The following CCSER1 variants were observed in gnomAD, a reference collection of about 807,000 sequenced individuals.
CCSER1 encodes coiled-coil serine rich protein 1, also known as serine-rich coiled-coil domain-containing protein 1.
In CCSER1, 41 loss-of-function variants were observed where a neutral mutation model predicts 82.0. The observed-to-expected ratio is 0.50, with a 90% CI of 0.39 to 0.65. The LOEUF (loss-of-function observed/expected upper bound fraction) is 0.65. Ranked by LOEUF, CCSER1 falls within the 30% of genes least tolerant of loss-of-function variation. CCSER1 has a pLI of 0.00. For synonymous variants in CCSER1, 414 were observed against 383.9 expected (o/e 1.08, Z -0.92); for missense variants, 1,119 against 1,064.2 (o/e 1.05, Z -0.72).
At chr4:90,187,525 C>T (rs1433168671) in intron 1 of CCSER1, among the ~76,000 whole-genome samples, 1 of 151,812 alleles carries the variant, frequency 6.6e-6, no homozygotes, top group Non-Finnish European at 1.5e-5. Context: ...CTCTAATTGG[C>T]TGCTGTGGAA....
At chr4:91,379,359 C>G (rs567950014) in intron 10 of CCSER1, among the ~76,000 whole-genome samples, 1 of 152,102 alleles carries the variant, frequency 6.6e-6, no homozygotes. Context: ...TGGTAGAATT[C>G]GGCTGTGAAT....
At chr4:90,465,320 C>CTT (rs1157811263) in intron 4 of CCSER1, among the ~76,000 whole-genome samples, 16 of 131,940 alleles carry the variant, frequency 1.2e-4, no homozygotes, top group African/African-American at 2.2e-4. Context: ...TTTCCGTGTT[C>CTT]TTTTTTTTTT....
At chr4:90,683,480 C>A (rs62314421) in intron 6 of CCSER1, among the ~76,000 whole-genome samples, 16,704 of 151,914 alleles carry the variant, frequency 0.11, 1,092 homozygotes, top group East Asian at 0.19. Flanking sequence ...TCTCCTTAAC[C>A]TGAGTCATTT....
intron 1 of CCSER1, among the ~76,000 whole-genome samples, chr4:90,146,945 A>G (rs577493209): frequency 3.3e-5 from 5 of 152,248 alleles, no homozygotes; most frequent in South Asian, 4.1e-4. Context: ...ATTCATTTTT[A>G]TGATCTCAAG....
chr4:91,085,995 G>C lies in CCSER1; in HGVS notation c.2217+1G>C. The C allele has an allele frequency of 6.6e-7, 1 of 1,508,582 alleles. No homozygotes were observed. The highest frequency in any genetic ancestry group is 9.0e-7 in the Non-Finnish European group (1 of 1,108,442). The allele number at this position is 1,508,582 out of a possible 1,614,324, so 93.4% of individuals were successfully genotyped here. A position where few individuals can be genotyped will look rare whatever the true frequency, so the allele number is the denominator to read the frequency against. ...AGAGACAGTACAAGGAGGGAGAGAG[G>C]TAAGAATGTTTAAAGAAGAGGGGTG... is the stretch of plus-strand genomic sequence containing the variant. On this transcript the variant is annotated splice_donor_variant, in intron 10 of 10. Coordinates refer to ENST00000509176, the MANE Select transcript of CCSER1 (RefSeq NM_001145065.2). LOFTEE classifies it high-confidence loss of function.
intron 10 of CCSER1, among the ~76,000 whole-genome samples, chr4:91,244,869 ACT>A (rs1326520381): frequency 6.6e-6 from 1 of 152,184 alleles, no homozygotes; most frequent in Admixed American, 6.5e-5. Context: ...TTTTGAGGAA[ACT>A]CAAGGAAATT....
intron 9 of CCSER1, among the ~76,000 whole-genome samples, chr4:91,000,706 T>G (rs925433937): frequency 6.6e-6 from 1 of 152,152 alleles, no homozygotes; most frequent in African/African-American, 2.4e-5. Flanking sequence ...TGGGATTGTG[T>G]TCTTGATTTG....
intron 6 of CCSER1, among the ~76,000 whole-genome samples, chr4:90,651,001 A>C (rs1158407548): frequency 1.3e-5 from 2 of 152,304 alleles, no homozygotes; most frequent in East Asian, 1.9e-4. Flanking sequence ...CCTTTGGGGA[A>C]GTTATTTAAT....
chr4:90,784,452 G>A lies in CCSER1; in HGVS notation c.2011-31310G>A, dbSNP rs978369356. ...ATGTGTTCCAAAAGTGAGGTTACAA[G>A]GATGAAAATGATGTGTTCTAATTCA... On this transcript the variant is annotated intron_variant, in intron 7 of 10. Coordinates refer to ENST00000509176, the MANE Select transcript of CCSER1 (RefSeq NM_001145065.2). Among the ~76,000 whole-genome samples, 19 of 152,196 alleles carry A rather than the reference G, an allele frequency of 1.2e-4. 1 individual carries two copies. The highest frequency in any genetic ancestry group is 4.6e-4 in the African/African-American group (19 of 41,434).
intron 10 of CCSER1, among the ~76,000 whole-genome samples, chr4:91,112,991 A>G (rs188099105): frequency 6.6e-6 from 1 of 152,334 alleles, no homozygotes; most frequent in East Asian, 1.9e-4. Flanking sequence ...TTTCTTTAAG[A>G]CCCAGTACAA....
At chr4:90,738,219 G>A (rs573545208) in intron 7 of CCSER1, among the ~76,000 whole-genome samples, 4 of 152,212 alleles carry the variant, frequency 2.6e-5, no homozygotes, top group Middle Eastern at 3.4e-3. Context: ...AGTCTTTGCA[G>A]TCTGGGCTTG....
At chr4:90,302,679 T>G (rs896206087) in intron 1 of CCSER1, among the ~76,000 whole-genome samples, 1 of 152,128 alleles carries the variant, frequency 6.6e-6, no homozygotes, top group African/African-American at 2.4e-5. Flanking sequence ...GCTGTATGCC[T>G]GTAGTCCCAG....
chr4:91,143,675 T>A (rs1217312216), intron 10 of CCSER1, among the ~76,000 whole-genome samples: 3 of 152,102 alleles, frequency 2.0e-5, no homozygotes, highest in African/African-American at 4.8e-5. Flanking sequence ...AGTATTTTTT[T>A]AATCATGAAG....
intron 10 of CCSER1, among the ~76,000 whole-genome samples, chr4:91,264,908 A>T (rs1468370590): frequency 1.3e-5 from 2 of 152,086 alleles, no homozygotes; most frequent in Non-Finnish European, 2.9e-5. Flanking sequence ...TAAAATATTT[A>T]TCTGATTATA....
intron 10 of CCSER1, among the ~76,000 whole-genome samples, chr4:91,496,889 A>G (rs1013335862): frequency 2.8e-5 from 4 of 141,342 alleles, no homozygotes; most frequent in African/African-American, 5.2e-5. Flanking sequence ...ATTCAAATAC[A>G]TATTCCAAAC....
intron 1 of CCSER1, among the ~76,000 whole-genome samples, chr4:90,214,211 T>G (rs2153416363): frequency 6.6e-6 from 1 of 152,146 alleles, no homozygotes; most frequent in South Asian, 2.1e-4. Flanking sequence ...TTAGCAGTGG[T>G]AAGAAAGGGA....
chr4:91,009,254 G>A (rs1210307005), intron 9 of CCSER1, among the ~76,000 whole-genome samples: 1 of 152,154 alleles, frequency 6.6e-6, no homozygotes, highest in African/African-American at 2.4e-5. Context: ...ACAAAGGGAG[G>A]GGACCCAAAG....
intron 1 of CCSER1, among the ~76,000 whole-genome samples, chr4:90,229,319 C>A (rs1208009989): frequency 1.3e-5 from 2 of 152,142 alleles, no homozygotes; most frequent in Non-Finnish European, 2.9e-5. Context: ...CAATATTCAA[C>A]ATTCTTAAAG....
At chr4:90,331,405 G>C (rs1356620358) in intron 3 of CCSER1, among the ~76,000 whole-genome samples, 1 of 152,104 alleles carries the variant, frequency 6.6e-6, no homozygotes, top group African/African-American at 2.4e-5. Flanking sequence ...TTAGGGCATG[G>C]GGATGACATA....
Sources: gnomAD v4.1 joint callset for allele counts (sites outside exome capture counted in the v4.1 genomes callset) on GRCh38, gnomAD v4.1.1 for gene constraint, MANE v1.5 for transcripts, NCBI Gene and HGNC (gene_info 2026-07-23, HGNC 2026-07-21) for gene names.